Variants in ZNF804B observed in about 807,000 individuals in gnomAD.
The protein encoded by ZNF804B is zinc finger protein 804B.
Under a neutral mutation model 101.4 loss-of-function variants are expected in ZNF804B, and 80 were observed. The ratio of observed to expected loss-of-function variants is 0.79; its 90% CI spans 0.66 to 0.95. The LOEUF (loss-of-function observed/expected upper bound fraction) is 0.95, where lower values mean the gene tolerates loss of function less well. ZNF804B is among the 40% of genes least tolerant of loss of function. The pLI is 0.00. For synonymous variants in ZNF804B, 622 were observed against 558.8 expected (o/e 1.11, Z -1.59); for missense variants, 1,673 against 1,561.9 (o/e 1.07, Z -1.20).
At chr7:88,843,355 G>A (rs369343831) in intron 1 of ZNF804B, among the ~76,000 whole-genome samples, 6 of 152,054 alleles carry the variant, frequency 3.9e-5, no homozygotes, top group South Asian at 4.1e-4. Flanking sequence ...AGATCTATGG[G>A]CATCAAAATA....
chr7:89,101,793 A>G (rs1467221608), intron 1 of ZNF804B, among the ~76,000 whole-genome samples: 2 of 151,912 alleles, frequency 1.3e-5, no homozygotes, highest in Non-Finnish European at 2.9e-5. Flanking sequence ...TTGGGCTTTT[A>G]GTGTACACAT....
intron 1 of ZNF804B, among the ~76,000 whole-genome samples, chr7:89,059,797 T>C (rs1434993178): frequency 6.6e-6 from 1 of 152,032 alleles, no homozygotes; most frequent in Non-Finnish European, 1.5e-5. Flanking sequence ...TGGTAAAGCA[T>C]TATTTTGGGT....
intron 1 of ZNF804B, among the ~76,000 whole-genome samples, chr7:88,840,963 T>C (rs1791285277): frequency 6.6e-6 from 1 of 152,176 alleles, no homozygotes; most frequent in African/African-American, 2.4e-5. Flanking sequence ...CTAGGGAATA[T>C]AATATTTAAT....
chr7:88,970,191 G>T (rs946312770), intron 1 of ZNF804B, among the ~76,000 whole-genome samples: 2 of 151,434 alleles, frequency 1.3e-5, no homozygotes, highest in African/African-American at 4.8e-5. Flanking sequence ...TATAATAATT[G>T]TATTTTATTT....
intron 1 of ZNF804B, among the ~76,000 whole-genome samples, chr7:89,126,436 CAAAG>C (rs1432150190): frequency 6.6e-6 from 1 of 151,928 alleles, no homozygotes; most frequent in African/African-American, 2.4e-5. Context: ...AATCAATACA[CAAAG>C]AAATCCCCAC....
chr7:88,759,750 G>T lies in ZNF804B; in HGVS notation c.-227G>T. 1 of 572,638 alleles carries T rather than the reference G, an allele frequency of 1.7e-6. No homozygotes were observed. Among genetic ancestry groups the T allele is most frequent in the East Asian group, 2.9e-5 (1 of 34,318 alleles). The allele number at this position is 572,638 out of a possible 1,614,324, so 35.5% of individuals were successfully genotyped here. A position where few individuals can be genotyped will look rare whatever the true frequency, so the allele number is the denominator to read the frequency against. ...GACTGGCTCGCCGGGTCCCCTCCGT[G>T]CTCTGTGCTGTCGCCGCCGCCGCCT... On this transcript the variant is annotated 5_prime_UTR_variant, in exon 1 of 4. Coordinates refer to ENST00000333190, the MANE Select transcript of ZNF804B (RefSeq NM_181646.5).
intron 1 of ZNF804B, among the ~76,000 whole-genome samples, chr7:89,214,413 T>G (rs1282427824): frequency 6.6e-6 from 1 of 152,176 alleles, no homozygotes; most frequent in Non-Finnish European, 1.5e-5. Context: ...AATTCTTTCT[T>G]TATTTTAAAA....
intron 1 of ZNF804B, among the ~76,000 whole-genome samples, chr7:88,964,509 A>G (rs956817100): frequency 2.6e-5 from 4 of 151,492 alleles, no homozygotes; most frequent in African/African-American, 7.3e-5. Context: ...ATAGTGGTTT[A>G]CCAGGAGTCA....
chr7:89,032,165 A>G (rs1788846801), intron 1 of ZNF804B, among the ~76,000 whole-genome samples: 1 of 152,116 alleles, frequency 6.6e-6, no homozygotes, highest in African/African-American at 2.4e-5. Flanking sequence ...CATTTTCAGA[A>G]CGTTGATTTT....
intron 2 of ZNF804B, among the ~76,000 whole-genome samples, chr7:89,220,981 AT>A (rs1788996315): frequency 6.6e-6 from 1 of 151,636 alleles, no homozygotes; most frequent in Non-Finnish European, 1.5e-5. Context: ...ATTCAGACAT[AT>A]TTTTTTCATG....
intron 1 of ZNF804B, among the ~76,000 whole-genome samples, chr7:89,086,357 T>C (rs1789801146): frequency 6.6e-6 from 1 of 152,066 alleles, no homozygotes; most frequent in Non-Finnish European, 1.5e-5. Context: ...TTGCATATGT[T>C]CCCCTACCTA....
chr7:88,816,945 T>A (rs527990183), intron 1 of ZNF804B, among the ~76,000 whole-genome samples: 1 of 148,516 alleles, frequency 6.7e-6, no homozygotes, highest in African/African-American at 2.5e-5. Context: ...ATGTTTATTG[T>A]GGCACTATTG....
intron 1 of ZNF804B, among the ~76,000 whole-genome samples, chr7:89,105,653 G>A (rs1035532052): frequency 6.6e-6 from 1 of 152,042 alleles, no homozygotes; most frequent in Non-Finnish European, 1.5e-5. Context: ...TGTAACCAAA[G>A]GTACGGGGCT....
At chr7:88,917,582 T>G (rs1378093941) in intron 1 of ZNF804B, among the ~76,000 whole-genome samples, 1 of 152,170 alleles carries the variant, frequency 6.6e-6, no homozygotes, top group Non-Finnish European at 1.5e-5. Flanking sequence ...ATTCTTGGAA[T>G]AGAGAGGCAT....
chr7:89,208,027 G>A (rs889907730), intron 1 of ZNF804B, among the ~76,000 whole-genome samples: 8 of 150,336 alleles, frequency 5.3e-5, no homozygotes, highest in Admixed American at 2.6e-4. Context: ...CTAATACTGC[G>A]TTGTGTCAGC....
chr7:88,847,597 G>C (rs1791394844), intron 1 of ZNF804B, among the ~76,000 whole-genome samples: 1 of 152,084 alleles, frequency 6.6e-6, no homozygotes, highest in Admixed American at 6.6e-5. Context: ...TCTAAATGTG[G>C]GGGTACAGGG....
chr7:88,982,241 C>T (rs979968194), intron 1 of ZNF804B, among the ~76,000 whole-genome samples: 1 of 151,950 alleles, frequency 6.6e-6, no homozygotes, highest in African/African-American at 2.4e-5. Flanking sequence ...GCTGTAAAGT[C>T]GCCTAGCATC....
chr7:89,134,366 T>C (rs1342646787), intron 1 of ZNF804B, among the ~76,000 whole-genome samples: 1 of 152,066 alleles, frequency 6.6e-6, no homozygotes, highest in Non-Finnish European at 1.5e-5. Context: ...GCTGCTTTTT[T>C]CTGTTTTCTG....
At chr7:89,309,759 CAAAAAAAAAAAAAAA>C (rs397791531) in intron 2 of ZNF804B, among the ~76,000 whole-genome samples, 60 of 70,790 alleles carry the variant, frequency 8.5e-4, no homozygotes, top group Non-Finnish European at 1.2e-3. Flanking sequence ...GACCCTGTCT[CAAAAAAAAAAAAAAA>C]AAAAAAAAAA....
Sources: allele counts gnomAD v4.1 joint callset (sites outside exome capture counted in the v4.1 genomes callset), GRCh38; gene constraint gnomAD v4.1.1; transcripts MANE v1.5; gene names NCBI Gene and HGNC (gene_info 2026-07-23, HGNC 2026-07-21).